CC2D2A: variants seen among roughly 807,000 people sequenced by gnomAD.
CC2D2A encodes the protein coiled-coil and C2 domain-containing protein 2A.
In CC2D2A, 155 loss-of-function variants were observed where a neutral mutation model predicts 212.9. That is an observed-to-expected ratio of 0.73 (90% CI 0.64 to 0.83). CC2D2A has a LOEUF of 0.83. CC2D2A is among the 40% of genes least tolerant of loss of function. The pLI is 0.00. For missense variants in CC2D2A, 1,856 were observed against 1,956.2 expected (o/e 0.95, Z 0.97); for synonymous variants, 667 against 686.5 (o/e 0.97, Z 0.44).
rs1029391409 is a variant in CC2D2A at position 15,555,134 on chromosome 4, A to T, written c.2549A>T (p.Lys850Ile). ...IGTSGLTDMKKLAKWAAESKL... is the reference protein window; with the variant it reads ...IGTSGLTDMKILAKWAAESKL... Reference sequence around the variant, plus strand: ...ACATCAGGACTGACAGACATGAAAAAATTGGCCAAGTGGGCAGCAGAGTCC... The same window carrying T: ...ACATCAGGACTGACAGACATGAAAATATTGGCCAAGTGGGCAGCAGAGTCC... The change falls in exon 20 of 37, where the codon AAA becomes ATA. Residue 850 changes from lysine to isoleucine, a missense_variant. Coordinates refer to ENST00000424120, the MANE Select transcript of CC2D2A (RefSeq NM_001378615.1). 3.1e-6 allele frequency: 5 copies of T among 1,613,698 alleles called. No individual in the cohort carries two copies. Among genetic ancestry groups the T allele is most frequent in the Non-Finnish European group, 4.2e-6 (5 of 1,179,836 alleles).
chr4:15,501,078 T>G (rs571406202), intron 4 of CC2D2A, among the ~76,000 whole-genome samples: 1 of 152,142 alleles, frequency 6.6e-6, no homozygotes, highest in East Asian at 1.9e-4. Context: ...TCAGATTCCC[T>G]CACTTTTTCC....
chr4:15,519,256 T>C, intron 11 of CC2D2A: 1 of 373,376 alleles, frequency 2.7e-6, no homozygotes. Context: ...CCAGTCTCTT[T>C]GCTAAAATAT....
At chr4:15,576,290 A>C in intron 29 of CC2D2A, 1 of 616,050 alleles carries the variant, frequency 1.6e-6, no homozygotes, top group South Asian at 7.2e-5. Flanking sequence ...ACTTGCAGAC[A>C]ATTCAGGAAA....
intron 17 of CC2D2A, among the ~76,000 whole-genome samples, chr4:15,545,646 G>A (rs1211814486): frequency 6.6e-6 from 1 of 152,102 alleles, no homozygotes; most frequent in South Asian, 2.1e-4. Flanking sequence ...CAAGCAGAAG[G>A]TAAGTCCAAA....
intron 17 of CC2D2A, among the ~76,000 whole-genome samples, chr4:15,543,329 T>TG (rs778422056): frequency 2.6e-5 from 4 of 152,060 alleles, no homozygotes; most frequent in Non-Finnish European, 4.4e-5. Flanking sequence ...TTCTGAAACT[T>TG]GAAAAAAAAC....
intron 30 of CC2D2A, among the ~76,000 whole-genome samples, chr4:15,581,424 T>C (rs953188865): frequency 2.0e-5 from 3 of 152,196 alleles, no homozygotes; most frequent in African/African-American, 7.2e-5. Context: ...GATTCTACAA[T>C]GATGAAAGCT....
chr4:15,553,962 G>A (rs1195133830), intron 19 of CC2D2A, among the ~76,000 whole-genome samples: 2 of 152,148 alleles, frequency 1.3e-5, no homozygotes, highest in African/African-American at 4.8e-5. Flanking sequence ...AGGATTCATT[G>A]TGATCATGAA....
In CC2D2A at chr4:15,528,663, A is replaced by G. The variant is rs1717641550; in HGVS notation, c.1403A>G (p.Glu468Gly). ...GCTGTTCAGACTGGCCTTGATCCAG[A>G]AAAACCTCATCAGTCTCTCGATACC... is the stretch of plus-strand genomic sequence containing the variant. ...RNAVQTGLDPEKPHQSLDTIQ... is the reference protein window; with the variant it reads ...RNAVQTGLDPGKPHQSLDTIQ... The change falls in exon 13 of 37, where the codon GAA becomes GGA. Residue 468 changes from glutamate (E) to glycine (G), a missense_variant. Physicochemically the swap from Glu to Gly is moderately conservative, Grantham distance 98. This residue lies in a region of CC2D2A where 1,512 missense variants were observed against 1,579.3 expected (regional missense o/e 0.96). Transcript: ENST00000424120. 1.2e-6 allele frequency: 2 copies of G among 1,613,928 alleles called. No individual in the cohort carries two copies. The highest frequency in any genetic ancestry group is 3.3e-4 in the Middle Eastern group (2 of 6,062).
intron 11 of CC2D2A, 67 bp downstream of exon 11, chr4:15,516,823 G>A: frequency 1.3e-6 from 2 of 1,496,468 alleles, no homozygotes; most frequent in South Asian, 2.6e-5. Flanking sequence ...TGAATAGCTT[G>A]GGGTGCTATA....
rs1720596538 is a variant in CC2D2A, at chr4:15,580,142, G to A, written c.3946G>A (p.Val1316Ile). The change falls in exon 30 of 37, where the codon GTC becomes ATC. Residue 1316 changes from valine to isoleucine, a missense_variant. Physicochemically the swap from Val to Ile is conservative, Grantham distance 29. Transcript: ENST00000424120. The part of the protein sequence containing the change: ...PLNPPQELLN[V>I]YPNNLQATAE... Reference sequence around the variant, plus strand: ...AAACCCTCCTCAGGAGCTCCTTAATGTCTACCCCAATAATCTACAGGCAAC... The same window carrying A: ...AAACCCTCCTCAGGAGCTCCTTAATATCTACCCCAATAATCTACAGGCAAC... 6.2e-7 allele frequency: 1 copy of A among 1,613,712 alleles called. No homozygotes were observed. The highest frequency in any genetic ancestry group is 8.5e-7 in the Non-Finnish European group (1 of 1,179,814).
chr4:15,549,619 G>A (rs1267673989), intron 17 of CC2D2A, among the ~76,000 whole-genome samples: 12 of 152,116 alleles, frequency 7.9e-5, no homozygotes, highest in East Asian at 1.9e-4. Context: ...CCTGGCCAAC[G>A]TGGTGAAACG....
chr4:15,550,749 A>G, intron 17 of CC2D2A, 75 bp from the exon 18 acceptor site: 1 of 1,133,362 alleles, frequency 8.8e-7, no homozygotes. Context: ...AATACTAACA[A>G]CATGGACTGA....
rs1381362481 is a variant in CC2D2A at position 15,527,594 on chromosome 4, C to A, written c.1297C>A (p.Gln433Lys). The A allele has an allele frequency of 6.2e-7, 1 of 1,613,086 alleles. No homozygotes were observed. Among genetic ancestry groups the A allele is most frequent in the African/African-American group, 1.3e-5 (1 of 74,888 alleles). Residue 433 changes from glutamine to lysine, a missense_variant, in exon 12 of 37, where the codon CAG (glutamine) becomes AAG (lysine). Transcript: ENST00000424120. ...REHVLAAKLA[Q>K]LYDQYLARHQ... ...GCATGTTTTGGCAGCCAAGCTGGCC[C>A]AGTTATATGACCAGTACCTTGCAAG...
intron 11 of CC2D2A, among the ~76,000 whole-genome samples, chr4:15,518,104 C>G (rs1219575724): frequency 6.6e-6 from 1 of 152,152 alleles, no homozygotes; most frequent in Non-Finnish European, 1.5e-5. Context: ...CCCCTGGCCC[C>G]TCCCAAATCT....
chr4:15,541,901 T>A (rs1045584978), intron 17 of CC2D2A, among the ~76,000 whole-genome samples: 7 of 152,144 alleles, frequency 4.6e-5, no homozygotes, highest in Non-Finnish European at 8.8e-5. Flanking sequence ...TCTGGAGGCC[T>A]AAAGTCTGAA....
intron 18 of CC2D2A, among the ~76,000 whole-genome samples, chr4:15,552,782 C>A (rs1228356045): frequency 6.6e-6 from 1 of 152,198 alleles, no homozygotes; most frequent in African/African-American, 2.4e-5. Flanking sequence ...CAAATAAGTA[C>A]TTTGAATGAC....
intron 7 of CC2D2A, 51 bp from the exon 8 acceptor site, chr4:15,511,196 G>T (rs971914220): frequency 2.0e-6 from 3 of 1,530,956 alleles, no homozygotes; most frequent in East Asian, 2.4e-5. Flanking sequence ...TGTGCAGAGC[G>T]CATTACAGCT....
At chr4:15,580,980 C>T (rs1170864874) in intron 30 of CC2D2A, among the ~76,000 whole-genome samples, 1 of 152,176 alleles carries the variant, frequency 6.6e-6, no homozygotes, top group Non-Finnish European at 1.5e-5. Context: ...TATGCATGCA[C>T]CATTCTCTGG....
intron 31 of CC2D2A, 51 bp from the exon 32 acceptor site, chr4:15,587,765 C>A: frequency 1.0e-6 from 1 of 970,936 alleles, no homozygotes; most frequent in Non-Finnish European, 1.6e-6. Context: ...CACAACCAAT[C>A]CAGAATAAAG....
Sources: allele counts gnomAD v4.1 joint callset (sites outside exome capture counted in the v4.1 genomes callset), GRCh38; gene constraint gnomAD v4.1.1; regional missense constraint gnomAD v4.1.1; transcripts MANE v1.5; gene names NCBI Gene and HGNC (gene_info 2026-07-23, HGNC 2026-07-21).